The following TYMS variants were observed in gnomAD, a reference collection of about 807,000 sequenced individuals.
The protein encoded by TYMS is thymidylate synthetase, also known as thymidylate synthase.
Under a neutral mutation model 39.3 loss-of-function variants are expected in TYMS, and 21 were observed. The observed-to-expected ratio is 0.54, with a 90% CI of 0.38 to 0.77. The LOEUF (loss-of-function observed/expected upper bound fraction) is 0.77, where lower values mean the gene tolerates loss of function less well. TYMS is among the 30% of genes least tolerant of loss of function. TYMS has a pLI of 0.00. For missense variants in TYMS, 273 were observed against 406.7 expected, an observed-to-expected ratio of 0.67 and a Z score of 2.83; for synonymous variants, 171 against 162.2, an observed-to-expected ratio of 1.05 and a Z score of -0.41.
At chr18:662,522 TA>T (rs373297382) in intron 3 of TYMS, among the ~76,000 whole-genome samples, 1 of 146,172 alleles carries the variant, frequency 6.8e-6, no homozygotes, top group Admixed American at 6.8e-5. Flanking sequence ...TTTTTTTTTT[TA>T]ATTATTATAC....
At chr18:671,129 G>A (rs1598480252) in intron 5 of TYMS, 2 of 615,398 alleles carry the variant, frequency 3.2e-6, no homozygotes, top group Non-Finnish European at 5.7e-6. Flanking sequence ...TGCTGAGGTT[G>A]GGTATGGTGG....
rs1257629900 is a variant in TYMS, at chr18:667,065, T to A, written c.455-2007T>A. ...GTGATGGTGATGGAGATGGAGATGG[T>A]GATGGTGATGGAGATGGTGATGGTG... On this transcript the variant is annotated intron_variant, in intron 3 of 6. Coordinates refer to ENST00000323274, the MANE Select transcript of TYMS (RefSeq NM_001071.4). Among the ~76,000 whole-genome samples the A allele has an allele frequency of 2.5e-4, 10 of 39,916 alleles. 1 individual carries two copies. Among genetic ancestry groups the A allele is most frequent in the East Asian group, 8.9e-4 (1 of 1,128 alleles). The allele number at this position is 39,916 out of a possible 152,430, so 26.2% of individuals were successfully genotyped here.
At position 657,680 on chromosome 18, in the gene TYMS, C is replaced by G; in HGVS notation, c.-63C>G. The G allele has an allele frequency of 8.4e-7, 1 of 1,190,984 alleles. No individual in the cohort carries two copies. The highest frequency in any genetic ancestry group is 3.4e-5 in the East Asian group (1 of 29,286). 73.8% of individuals were successfully genotyped at this position (1,190,984 alleles called of 1,614,324 possible). On this transcript the variant is annotated 5_prime_UTR_variant, in exon 1 of 7. Transcript: ENST00000323274. ...TTGGCCTGCCTCCGTCCCGCCGCGC[C>G]ACTTGGCCTGCCTCCGTCCCGCCGC...
chr18:657,982 G>A (rs1006606844), intron 1 of TYMS, 35 bp downstream of exon 1: 2 of 1,509,628 alleles, frequency 1.3e-6, no homozygotes, highest in African/African-American at 1.4e-5. Flanking sequence ...CGGGTGGCGG[G>A]AAGGAGGGAG....
chr18:671,004 G>C, intron 5 of TYMS, 137 bp downstream of exon 5: 1 of 1,071,724 alleles, frequency 9.3e-7, no homozygotes, highest in Non-Finnish European at 1.3e-6. Flanking sequence ...AAATGAACCA[G>C]CTTTTACTTT....
intron 5 of TYMS, chr18:671,069 T>A: frequency 1.6e-6 from 1 of 643,954 alleles, no homozygotes; most frequent in Non-Finnish European, 2.6e-6. Flanking sequence ...CACTAACAGA[T>A]CTATACAGGT....
rs1263737980 is a variant in TYMS at position 658,003 on chromosome 18, G to A, written c.205+56G>A. The A allele has an allele frequency of 9.2e-6, 14 of 1,522,940 alleles. No individual in the cohort carries two copies. In the East Asian group the frequency reaches 2.7e-4, roughly 29 times the overall value. The allele number at this position is 1,522,940 out of a possible 1,614,324, so 94.3% of individuals were successfully genotyped here. On this transcript the variant is annotated intron_variant, in intron 1 of 6. Coordinates refer to ENST00000323274, the MANE Select transcript of TYMS (RefSeq NM_001071.4). This position sits in a 1 kb window ranked among gnomAD's most constrained non-coding sequence, Gnocchi z 4.5. The stretch of plus-strand genomic sequence containing the variant: ...GCGGGAAGGAGGGAGGCGCGGCTGG[G>A]GAGAGCGCTCGGGAGCTGCCGGGCG...
intron 6 of TYMS, 126 bp from the exon 7 acceptor site, chr18:672,734 C>T (rs1366208267): frequency 9.1e-7 from 1 of 1,103,294 alleles, no homozygotes; most frequent in East Asian, 2.4e-5. Context: ...AAGGTATCGA[C>T]AGGATCATAC....
At chr18:671,845 T>A (rs191727615) in intron 6 of TYMS, 2 of 202,882 alleles carry the variant, frequency 9.9e-6, no homozygotes, top group African/African-American at 4.8e-5. Context: ...CGTGGTGCGA[T>A]CTCAGCTCAC....
In TYMS at chr18:673,477, T is replaced by C. The variant is rs1055432888; in HGVS notation, c.*480T>C. The C allele has an allele frequency of 3.6e-4, 76 of 211,636 alleles. 1 individual carries two copies. The highest frequency in any genetic ancestry group is 3.5e-4 in the Admixed American group (6 of 17,264). The allele number at this position is 211,636 out of a possible 1,614,324, so 13.1% of individuals were successfully genotyped here. On this transcript the variant is annotated 3_prime_UTR_variant, in exon 7 of 7. Transcript: ENST00000323274. ...ATAGTTGTTTTATATGTTGCTATAA[T>C]AAAGAAGTGTTCTGCATTCGTCCAC...
intron 3 of TYMS, among the ~76,000 whole-genome samples, chr18:668,822 A>G (rs187345451): frequency 9.7e-4 from 147 of 152,280 alleles, no homozygotes; most frequent in African/African-American, 3.2e-3. Flanking sequence ...GACAGACCAA[A>G]TATTCAAAGG....
Position 658,697 on chromosome 18 carries a change from C to T in TYMS, c.205+750C>T, listed in dbSNP as rs528486075. ...CCGTTGGCCCTCCCTAAGGCCACAC[C>T]GTCCTGCCGTCCTGGATCCTGCGCC... is the stretch of plus-strand genomic sequence containing the variant. On this transcript the variant is annotated intron_variant, in intron 1 of 6. Coordinates refer to ENST00000323274, the MANE Select transcript of TYMS (RefSeq NM_001071.4). The surrounding 1 kb of genome is among the most constrained non-coding windows in gnomAD (Gnocchi z 4.5). 1 of 237,242 alleles carries T rather than the reference C, an allele frequency of 4.2e-6. No individual in the cohort carries two copies. Among genetic ancestry groups the T allele is most frequent in the African/African-American group, 2.4e-5 (1 of 42,048 alleles). The allele number at this position is 237,242 out of a possible 1,614,324, so 14.7% of individuals were successfully genotyped here.
Position 662,330 on chromosome 18 carries a change from T to A in TYMS, c.454+10T>A. The A allele has an allele frequency of 6.3e-7, 1 of 1,597,392 alleles. No individual in the cohort carries two copies. ...AGAGATATGGAATCAGGTGAGGAGA[T>A]AGAACAATGCCTTCCATTTCCCGGG... On this transcript the variant is annotated intron_variant, in intron 3 of 6. Coordinates refer to ENST00000323274, the MANE Select transcript of TYMS (RefSeq NM_001071.4).
At chr18:657,997 G>A in intron 1 of TYMS, 50 bp downstream of exon 1, 2 of 1,518,688 alleles carry the variant, frequency 1.3e-6, no homozygotes, top group Non-Finnish European at 1.8e-6. Context: ...AGGGAGGCGC[G>A]GCTGGGGAGA....
chr18:658,261 C>A lies in TYMS; in HGVS notation c.205+314C>A. ...GGCGGGCGTCATCGGGCAGCGTTTG[C>A]CCAGTGCTGGAGGGTTAGGGAGAGC... On this transcript the variant is annotated intron_variant, in intron 1 of 6. Coordinates refer to ENST00000323274, the MANE Select transcript of TYMS (RefSeq NM_001071.4). The surrounding 1 kb of genome is among the most constrained non-coding windows in gnomAD (Gnocchi z 4.5). 1 of 1,460,168 alleles carries A rather than the reference C, an allele frequency of 6.8e-7. No individual in the cohort carries two copies. Among genetic ancestry groups the A allele is most frequent in the Non-Finnish European group, 9.2e-7 (1 of 1,088,592 alleles). 90.5% of individuals were successfully genotyped at this position (1,460,168 alleles called of 1,614,324 possible).
intron 3 of TYMS, among the ~76,000 whole-genome samples, chr18:668,497 A>G (rs141259199): frequency 6.6e-6 from 1 of 152,328 alleles, no homozygotes; most frequent in Non-Finnish European, 1.5e-5. Context: ...AGGTTTCCTG[A>G]TGTTTCCAAG....
chr18:658,097 A>C lies in TYMS; in HGVS notation c.205+150A>C. 4 of 1,584,536 alleles carry C rather than the reference A, an allele frequency of 2.5e-6. No homozygotes were observed. The highest frequency in any genetic ancestry group is 8.6e-7 in the Non-Finnish European group (1 of 1,168,936). On this transcript the variant is annotated intron_variant, in intron 1 of 6. Coordinates refer to ENST00000323274, the MANE Select transcript of TYMS (RefSeq NM_001071.4). The surrounding 1 kb of genome is among the most constrained non-coding windows in gnomAD (Gnocchi z 4.5). ...GGACGCATCGTCCTCCTCGCCTTAC[A>C]GACGCCGAAACGGAGGGTCCCATTA...
At chr18:664,177 T>A (rs1380855058) in intron 3 of TYMS, among the ~76,000 whole-genome samples, 1 of 152,090 alleles carries the variant, frequency 6.6e-6, no homozygotes. Flanking sequence ...TTTCTTTGTA[T>A]CCTCTTTTAT....
intron 4 of TYMS, chr18:670,419 G>A (rs1011999244): frequency 2.7e-6 from 1 of 365,472 alleles, no homozygotes; most frequent in Non-Finnish European, 4.9e-6. Context: ...GTAATCTGGT[G>A]CCACGAGGTA....
Sources: allele counts gnomAD v4.1 joint callset (sites outside exome capture counted in the v4.1 genomes callset), GRCh38; gene constraint gnomAD v4.1.1; non-coding constraint Gnocchi (gnomAD v3.1); transcripts MANE v1.5; gene names NCBI Gene and HGNC (gene_info 2026-07-23, HGNC 2026-07-21).